The following SYT12 variants were observed in gnomAD, a reference collection of about 807,000 sequenced individuals.
SYT12 encodes synaptotagmin-12.
SYT12 carries 27 observed loss-of-function variants against 39.5 expected under a neutral mutation model. That is an observed-to-expected ratio of 0.68 (90% confidence interval 0.50 to 0.94). The LOEUF (loss-of-function observed/expected upper bound fraction) is 0.94, where lower values mean the gene tolerates loss of function less well. Ranked by LOEUF, SYT12 falls within the 40% of genes least tolerant of loss-of-function variation. The probability of loss-of-function intolerance (pLI) is 0.00; values close to 1 mark genes in which losing one functional copy is unlikely to be tolerated. For synonymous variants in SYT12, 233 were observed against 239.7 expected (o/e 0.97, Z 0.26); for missense variants, 536 against 572.6 (o/e 0.94, Z 0.65).
At chr11:67,014,440 C>T (rs900179433) in intron 3 of SYT12, among the ~76,000 whole-genome samples, 1 of 152,174 alleles carries the variant, frequency 6.6e-6, no homozygotes, top group Admixed American at 6.5e-5. Context: ...GGGGAACAGG[C>T]GAGGACCCAC....
chr11:67,048,549 C>T, intron 7 of SYT12, 35 bp from the exon 8 acceptor site: 1 of 1,581,824 alleles, frequency 6.3e-7, no homozygotes, highest in African/African-American at 1.3e-5. Context: ...TCTGACTGCC[C>T]CTGGTCCTCA....
chr11:67,039,661 C>T (rs1052497662), intron 3 of SYT12, 150 bp from the exon 4 acceptor site: 49 of 962,590 alleles, frequency 5.1e-5, no homozygotes, highest in Admixed American at 4.9e-4. Flanking sequence ...TATTAAACAG[C>T]GACCTTCCTA....
At chr11:67,033,095 C>T (rs1044143206) in intron 2 of SYT12, among the ~76,000 whole-genome samples, 4 of 152,014 alleles carry the variant, frequency 2.6e-5, no homozygotes, top group Admixed American at 6.6e-5. Context: ...CCTGTGTGGC[C>T]GGGCTTCAGG....
rs778838345 is a variant in SYT12, at chr11:67,045,728, G to C, written c.959-16G>C. 3.7e-6 allele frequency: 6 copies of C among 1,612,348 alleles called. No individual in the cohort carries two copies. Among genetic ancestry groups the C allele is most frequent in the Non-Finnish European group, 8.5e-7 (1 of 1,179,356 alleles). Reference sequence around the variant, plus strand: ...GTGAGTGTGACACTGGCCCTCACCTGTCCGCCTGCCCACAGACCCCTTCGT... The same window carrying C: ...GTGAGTGTGACACTGGCCCTCACCTCTCCGCCTGCCCACAGACCCCTTCGT... On this transcript the variant is annotated splice_polypyrimidine_tract_variant and intron_variant, in intron 6 of 7. Coordinates refer to ENST00000527043, the MANE Select transcript of SYT12 (RefSeq NM_177963.4).
At chr11:67,045,945 A>G (rs951874534) in intron 7 of SYT12, 68 bp downstream of exon 7, 44 of 1,593,942 alleles carry the variant, frequency 2.8e-5, no homozygotes, top group Non-Finnish European at 3.4e-5. Context: ...GCATCTCTCC[A>G]CCTTCTCTTC....
At chr11:67,021,874 G>A (rs1950113077), upstream of SYT12, 1 of 151,996 alleles carries the variant, frequency 6.6e-6, no homozygotes, top group African/African-American at 2.4e-5. Context: ...TCCAGGTCCA[G>A]GAAATGAAAT....
chr11:67,035,164 C>G (rs1200384462), intron 3 of SYT12, among the ~76,000 whole-genome samples: 1 of 151,836 alleles, frequency 6.6e-6, no homozygotes, highest in South Asian at 2.1e-4. Flanking sequence ...CGTGCACCAC[C>G]ATGCCTGGCC....
rs896120158 is a variant in SYT12 at position 67,050,188 on chromosome 11, C to T, written c.*1431C>T. ...TACTGGCATCAGTCTTTGGTTACCCCCCAGCCCCAGTAGGAGGAGAGCAGG... is the reference window on the plus strand; with the variant it reads ...TACTGGCATCAGTCTTTGGTTACCCTCCAGCCCCAGTAGGAGGAGAGCAGG... On this transcript the variant is annotated 3_prime_UTR_variant, in exon 8 of 8. Transcript: ENST00000527043. 7 of 152,234 alleles carry T rather than the reference C, an allele frequency of 4.6e-5. No homozygotes were observed. Among genetic ancestry groups the T allele is most frequent in the Non-Finnish European group, 1.0e-4 (7 of 68,124 alleles). The allele number at this position is 152,234 out of a possible 1,614,324, so 9.4% of individuals were successfully genotyped here.
intron 1 of SYT12, 28 bp downstream of exon 1, chr11:67,023,488 G>C (rs1429207966): frequency 1.3e-5 from 2 of 151,524 alleles, no homozygotes; most frequent in Non-Finnish European, 3.0e-5. Context: ...CGACCCCCGT[G>C]CGCGGCCGGG....
chr11:67,015,359 A>G (rs1482744390), intron 3 of SYT12, among the ~76,000 whole-genome samples: 2 of 152,236 alleles, frequency 1.3e-5, no homozygotes, highest in Non-Finnish European at 2.9e-5. Flanking sequence ...CCTCCAATGC[A>G]GGCCCAGCTC....
At chr11:67,040,248 T>G (rs1184238183) in intron 4 of SYT12, 45 bp downstream of exon 4, 2 of 1,529,670 alleles carry the variant, frequency 1.3e-6, no homozygotes, top group South Asian at 2.5e-5. Flanking sequence ...CTGGGCTCAC[T>G]AGATGCCTCC....
At chr11:67,010,592 G>A (rs1037760225) in intron 2 of SYT12, among the ~76,000 whole-genome samples, 3 of 152,198 alleles carry the variant, frequency 2.0e-5, no homozygotes, top group African/African-American at 4.8e-5. Flanking sequence ...TACCCTGCTG[G>A]TGACACCTGC....
chr11:67,011,927 G>A (rs1024648344), intron 3 of SYT12, among the ~76,000 whole-genome samples: 27 of 151,274 alleles, frequency 1.8e-4, no homozygotes, highest in African/African-American at 6.1e-4. Flanking sequence ...CACCACGTCC[G>A]GCTAATTTTT....
chr11:67,010,323 G>A (rs2136192529), intron 2 of SYT12, among the ~76,000 whole-genome samples: 1 of 152,354 alleles, frequency 6.6e-6, no homozygotes, highest in South Asian at 2.1e-4. Context: ...GGTGAGCCGG[G>A]TGGTGACAGT....
chr11:67,033,095 C>G (rs1044143206), intron 2 of SYT12, among the ~76,000 whole-genome samples: 4 of 152,014 alleles, frequency 2.6e-5, no homozygotes, highest in Admixed American at 1.3e-4. Flanking sequence ...CCTGTGTGGC[C>G]GGGCTTCAGG....
At chr11:67,047,954 AT>A (rs1159717660) in intron 7 of SYT12, among the ~76,000 whole-genome samples, 23 of 143,090 alleles carry the variant, frequency 1.6e-4, no homozygotes, top group East Asian at 2.2e-4. Context: ...GGCCGGGCTA[AT>A]TTTTTTTTTG....
At chr11:67,007,689 A>G (rs915198756) in intron 1 of SYT12, among the ~76,000 whole-genome samples, 1 of 136,310 alleles carries the variant, frequency 7.3e-6, no homozygotes, top group African/African-American at 2.7e-5. Context: ...CTCAGCCTCC[A>G]GAGTAGCTGG....
In SYT12 at chr11:67,038,318, C is replaced by T. The variant is rs898732223; in HGVS notation, c.229-1493C>T. 2.0e-5 allele frequency among the ~76,000 whole-genome samples: 3 copies of T among 152,034 alleles called. No individual in the cohort carries two copies. The East Asian group carries it at 5.8e-4, about 30-fold the overall frequency. ...AGTAGCTGAGATTATAGGTGCATGC[C>T]GCCACACCCGGCTAATTTTTGTAGT... On this transcript the variant is annotated intron_variant, in intron 3 of 7. Transcript: ENST00000527043.
At chr11:67,020,398 C>T (rs1032055224), upstream of SYT12, among the ~76,000 whole-genome samples, 1 of 152,176 alleles carries the variant, frequency 6.6e-6, no homozygotes, top group East Asian at 1.9e-4. Context: ...GTTTGGCTTC[C>T]ATTTCCAGTG....
Sources: allele counts gnomAD v4.1 joint callset (sites outside exome capture counted in the v4.1 genomes callset), GRCh38; gene constraint gnomAD v4.1.1; transcripts MANE v1.5; gene names NCBI Gene and HGNC (gene_info 2026-07-23, HGNC 2026-07-21).